Variants in KLHL21 observed in about 807,000 individuals in gnomAD.
KLHL21 encodes kelch like family member 21, also known as kelch-like protein 21.
A neutral mutation model predicts 44.1 loss-of-function variants in KLHL21; 42 were observed. The observed-to-expected ratio is 0.95, with a 90% CI of 0.74 to 1.23. KLHL21 has a LOEUF of 1.23. KLHL21 is among the 50% of genes most tolerant of loss of function. The probability of loss-of-function intolerance (pLI) is 0.00; values close to 1 mark genes in which losing one functional copy is unlikely to be tolerated. For synonymous variants in KLHL21, 524 were observed against 411.6 expected (o/e 1.27, Z -3.31); for missense variants, 918 against 889.1 (o/e 1.03, Z -0.41).
At chr1:6,601,758 T>C in intron 1 of KLHL21, 39 bp downstream of exon 1, 1 of 1,501,160 alleles carries the variant, frequency 6.7e-7, no homozygotes, top group South Asian at 1.3e-5. Context: ...CCGGCGAGGT[T>C]CAACCCCAGA....
At position 6,592,345 on chromosome 1, in the gene KLHL21, C is replaced by G. The variant is rs896207071; in HGVS notation, c.*1020G>C. ...CTACTTTGGGTACTTTGAGGGGAAA[C>G]TGACCATTTCCAAGAGAAACCCAGG... On this transcript the variant is annotated 3_prime_UTR_variant, in exon 4 of 4. Transcript: ENST00000377658. 3 of 152,248 alleles carry G rather than the reference C, an allele frequency of 2.0e-5. No individual in the cohort carries two copies. The highest frequency in any genetic ancestry group is 7.2e-5 in the African/African-American group (3 of 41,466). The allele number at this position is 152,248 out of a possible 1,614,324, so 9.4% of individuals were successfully genotyped here.
rs1270536499 is a variant in KLHL21 at position 6,591,460 on chromosome 1, G to T, written c.*1905C>A. 6.4e-6 allele frequency: 1 copy of T among 155,838 alleles called. No homozygotes were observed. The highest frequency in any genetic ancestry group is 2.4e-5 in the African/African-American group (1 of 41,652). 9.7% of individuals were successfully genotyped at this position (155,838 alleles called of 1,614,324 possible). ...GGCCTCGCAGACCAGCCAAGCCCGA[G>T]ATGCCCTGTGCTGGCAGTCATCACA... is the stretch of plus-strand genomic sequence containing the variant. On this transcript the variant is annotated 3_prime_UTR_variant, in exon 4 of 4. Transcript: ENST00000377658.
rs1203629273 is a variant in KLHL21 at position 6,592,034 on chromosome 1, T to C, written c.*1331A>G. ...AACCCGACAGCAATGACATCCACAG[T>C]GTATGGACTGGGCTCTTGAGGAGCA... On this transcript the variant is annotated 3_prime_UTR_variant, in exon 4 of 4. Coordinates refer to ENST00000377658, the MANE Select transcript of KLHL21 (RefSeq NM_014851.4). 1.3e-5 allele frequency: 2 copies of C among 152,200 alleles called. No individual in the cohort carries two copies. The highest frequency in any genetic ancestry group is 4.8e-5 in the African/African-American group (2 of 41,430). 9.4% of individuals were successfully genotyped at this position (152,200 alleles called of 1,614,324 possible).
Position 6,599,438 on chromosome 1 carries a change from A to T in KLHL21, c.1036T>A (p.Ser346Thr), listed in dbSNP as rs369651794. 5.6e-6 allele frequency: 9 copies of T among 1,605,600 alleles called. No homozygotes were observed. The African/African-American group carries it at 1.1e-4, about 19-fold the overall frequency. Residue 346 changes from serine to threonine, a missense_variant, in exon 2 of 4, where the codon TCC becomes ACC. Physicochemically the swap from Ser to Thr is moderately conservative, Grantham distance 58 (BLOSUM62 1). Transcript: ENST00000377658. ...CTCCACACGCAGTCATAGAGCCGGG[A>T]GCCATCGGACCCACCTGCCAGGACG... ...DIYVTGGSDG[S>T]RLYDCVWRYN...
At position 6,591,114 on chromosome 1, in the gene KLHL21, G is replaced by T; in HGVS notation, c.*2251C>A. ...CAGAACCCACAGCAGAGGGAAACTG[G>T]GGAGAGGAGGGGGCCTGACCCTGGA... On this transcript the variant is annotated 3_prime_UTR_variant, in exon 4 of 4. Coordinates refer to ENST00000377658, the MANE Select transcript of KLHL21 (RefSeq NM_014851.4). The T allele has an allele frequency of 2.5e-6, 1 of 398,080 alleles. No homozygotes were observed. The highest frequency in any genetic ancestry group is 1.3e-4 in the South Asian group (1 of 7,650). The allele number at this position is 398,080 out of a possible 1,614,324, so 24.7% of individuals were successfully genotyped here.
rs918208675 is a variant in KLHL21 at position 6,602,104 on chromosome 1, G to A, written c.714C>T (p.Val238=). 4 of 1,472,728 alleles carry A rather than the reference G, an allele frequency of 2.7e-6. No individual in the cohort carries two copies. The highest frequency in any genetic ancestry group is 1.5e-5 in the African/African-American group (1 of 67,424). The allele number at this position is 1,472,728 out of a possible 1,614,324, so 91.2% of individuals were successfully genotyped here. A position where few individuals can be genotyped will look rare whatever the true frequency, so the allele number is the denominator to read the frequency against. ...FVRRFYLLAH[V]EAEPLVARCP... ...AGCGCGCCACCAGCGGCTCGGCCTC[G>A]ACGTGCGCCAACAGGTAGAAGCGGC... Residue 238 remains valine, a synonymous_variant, in exon 1 of 4, where the codon GTC becomes GTT. Transcript: ENST00000377658.
intron 3 of KLHL21, 94 bp downstream of exon 3, chr1:6,595,391 T>C: frequency 8.7e-7 from 1 of 1,150,866 alleles, no homozygotes; most frequent in African/African-American, 1.5e-5. Context: ...CCACCCATCA[T>C]GGCTGTGGAT....
intron 2 of KLHL21, among the ~76,000 whole-genome samples, chr1:6,596,001 C>T (rs1331804660): frequency 2.0e-5 from 3 of 152,230 alleles, no homozygotes; most frequent in Non-Finnish European, 4.4e-5. Flanking sequence ...CTGTCCTGTT[C>T]ACTACTATGT....
Position 6,593,574 on chromosome 1 carries a change from C to A in KLHL21, c.1585G>T (p.Val529Leu). Residue 529 changes from valine to leucine, a missense_variant, in exon 4 of 4, where the codon GTG (valine) becomes TTG (leucine). Physicochemically the swap from Val to Leu is conservative, Grantham distance 32. Transcript: ENST00000377658. ...GYDNTFELSD[V>L]VEAYDPETRA... ...GTCTCTGGGTCATAGGCCTCTACCA[C>A]GTCCGAGAGTTCAAATGTATTGTCG... is the stretch of plus-strand genomic sequence containing the variant. 3 of 1,613,898 alleles carry A rather than the reference C, an allele frequency of 1.9e-6. No individual in the cohort carries two copies. The highest frequency in any genetic ancestry group is 2.5e-6 in the Non-Finnish European group (3 of 1,179,922).
intron 1 of KLHL21, among the ~76,000 whole-genome samples, chr1:6,599,996 T>C (rs577379437): frequency 3.3e-5 from 5 of 152,208 alleles, no homozygotes; most frequent in African/African-American, 9.6e-5. Flanking sequence ...TTTAGAAAAA[T>C]CCACGAAGCT....
rs374978917 is a variant in KLHL21 at position 6,602,854 on chromosome 1, G to A, written c.-37C>T. 5.1e-6 allele frequency: 7 copies of A among 1,383,506 alleles called. No individual in the cohort carries two copies. Among genetic ancestry groups the A allele is most frequent in the Non-Finnish European group, 5.6e-6 (6 of 1,078,100 alleles). 85.7% of individuals were successfully genotyped at this position (1,383,506 alleles called of 1,614,324 possible). A position where few individuals can be genotyped will look rare whatever the true frequency, so the allele number is the denominator to read the frequency against. Reference sequence around the variant, plus strand: ...TAGGTTGTCGAGGACGCCGCGGCCGGGGCCTGCGGAGAGACGCGGCGCGCT... The same window carrying A: ...TAGGTTGTCGAGGACGCCGCGGCCGAGGCCTGCGGAGAGACGCGGCGCGCT... On this transcript the variant is annotated 5_prime_UTR_variant, in exon 1 of 4. Coordinates refer to ENST00000377658, the MANE Select transcript of KLHL21 (RefSeq NM_014851.4).
Position 6,602,038 on chromosome 1 carries a change from G to C in KLHL21, c.780C>G (p.Phe260Leu). Residue 260 changes from phenylalanine (F) to leucine (L), a missense_variant, in exon 1 of 4, where the codon TTC becomes TTG. Physicochemically the swap from Phe to Leu is conservative, Grantham distance 22 (BLOSUM62 0). Transcript: ENST00000377658. ...CLRLLREARD[F>L]QAARYDRHDR... ...CGTGGCGGTCGTAGCGCGCCGCCTGGAAGTCGCGCGCCTCGCGCAGCAGGC... is the reference window on the plus strand; with the variant it reads ...CGTGGCGGTCGTAGCGCGCCGCCTGCAAGTCGCGCGCCTCGCGCAGCAGGC... 6.5e-7 allele frequency: 1 copy of C among 1,527,424 alleles called. No individual in the cohort carries two copies. The highest frequency in any genetic ancestry group is 8.8e-7 in the Non-Finnish European group (1 of 1,135,854). 94.6% of individuals were successfully genotyped at this position (1,527,424 alleles called of 1,614,324 possible).
At position 6,602,404 on chromosome 1, in the gene KLHL21, G is replaced by A. The variant is rs1484436333; in HGVS notation, c.414C>T (p.Cys138=). 4 of 1,596,462 alleles carry A rather than the reference G, an allele frequency of 2.5e-6. No homozygotes were observed. The highest frequency in any genetic ancestry group is 3.4e-6 in the Non-Finnish European group (4 of 1,175,334). Residue 138 remains cysteine (C), a synonymous_variant, in exon 1 of 4, where the codon TGC becomes TGT. Coordinates refer to ENST00000377658, the MANE Select transcript of KLHL21 (RefSeq NM_014851.4). The part of the protein sequence containing the change: ...FLQQQLDLAN[C]LDMQDFAEAF... ...CCTCAGCGAAGTCCTGCATGTCCAGGCAGTTGGCCAGGTCGAGCTGCTGCT... is the reference window on the plus strand; with the variant it reads ...CCTCAGCGAAGTCCTGCATGTCCAGACAGTTGGCCAGGTCGAGCTGCTGCT...
rs1369384941 is a variant in KLHL21 at position 6,593,416 on chromosome 1, G to A, written c.1743C>T (p.Asp581=). The A allele has an allele frequency of 1.9e-6, 3 of 1,611,312 alleles. No homozygotes were observed. Among genetic ancestry groups the A allele is most frequent in the Middle Eastern group, 1.6e-4 (1 of 6,064 alleles). The change falls in exon 4 of 4, where the codon GAC becomes GAT. Residue 581 remains aspartate (D), a synonymous_variant. Transcript: ENST00000377658. Reference sequence around the variant, plus strand: ...GCGGCCGGGGTCGGCCTGGGTCCATGTCATCGCTGCCACTGTCCAACTCGA... The same window carrying A: ...GCGGCCGGGGTCGGCCTGGGTCCATATCATCGCTGCCACTGTCCAACTCGA... ...RGFELDSGSD[D]MDPGRPRPPR... is the part of the protein sequence containing the mutation.
chr1:6,591,163 T>C lies in KLHL21; in HGVS notation c.*2202A>G, dbSNP rs1640843229. The C allele has an allele frequency of 5.0e-6, 2 of 396,296 alleles. No homozygotes were observed. The highest frequency in any genetic ancestry group is 4.1e-5 in the African/African-American group (2 of 48,618). 24.5% of individuals were successfully genotyped at this position (396,296 alleles called of 1,614,324 possible). A position where few individuals can be genotyped will look rare whatever the true frequency, so the allele number is the denominator to read the frequency against. ...GATCCCCCAGCTGGTGTCCACAGGCTAGAGGGACCCATTGCTGCAGAGGCT... is the reference window on the plus strand; with the variant it reads ...GATCCCCCAGCTGGTGTCCACAGGCCAGAGGGACCCATTGCTGCAGAGGCT... On this transcript the variant is annotated 3_prime_UTR_variant, in exon 4 of 4. Coordinates refer to ENST00000377658, the MANE Select transcript of KLHL21 (RefSeq NM_014851.4).
At position 6,593,516 on chromosome 1, in the gene KLHL21, T is replaced by G; in HGVS notation, c.1643A>C (p.Glu548Ala). Residue 548 changes from glutamate (E) to alanine (A), a missense_variant, in exon 4 of 4, where the codon GAA (glutamate) becomes GCA (alanine). Transcript: ENST00000377658. ...GACACTGCCATGCCAGAAGGTGGGTTCTGGGAGCCGCCCCACCACGCTCCA... is the reference window on the plus strand; with the variant it reads ...GACACTGCCATGCCAGAAGGTGGGTGCTGGGAGCCGCCCCACCACGCTCCA... ...RAWSVVGRLP[E>A]PTFWHGSVSI... 1 of 1,613,708 alleles carries G rather than the reference T, an allele frequency of 6.2e-7. No homozygotes were observed. Among genetic ancestry groups the G allele is most frequent in the Non-Finnish European group, 8.5e-7 (1 of 1,180,008 alleles).
intron 2 of KLHL21, among the ~76,000 whole-genome samples, chr1:6,598,018 T>C (rs947408361): frequency 3.3e-5 from 5 of 152,258 alleles, no homozygotes; most frequent in African/African-American, 2.4e-5. Flanking sequence ...TGCTCCGTGC[T>C]GCTCAGCCTA....
chr1:6,597,684 G>C (rs1640946491), intron 2 of KLHL21, among the ~76,000 whole-genome samples: 1 of 152,254 alleles, frequency 6.6e-6, no homozygotes. Flanking sequence ...GCCAAGGCCA[G>C]GGCAGCTCTG....
chr1:6,601,769 G>A (rs776867663), intron 1 of KLHL21, 28 bp downstream of exon 1: 15 of 1,526,142 alleles, frequency 9.8e-6, no homozygotes, highest in African/African-American at 1.4e-5. Context: ...CAACCCCAGA[G>A]AGCCTGCCCA....
Sources: allele counts gnomAD v4.1 joint callset (sites outside exome capture counted in the v4.1 genomes callset), GRCh38; gene constraint gnomAD v4.1.1; transcripts MANE v1.5; gene names NCBI Gene and HGNC (gene_info 2026-07-23, HGNC 2026-07-21).